The following RCL1 variants were observed in gnomAD, a reference collection of about 807,000 sequenced individuals.
RCL1 encodes the protein RNA 3'-terminal phosphate cyclase-like protein.
RCL1 carries 24 observed loss-of-function variants against 42.4 expected under a neutral mutation model. That is an observed-to-expected ratio of 0.57 (90% confidence interval 0.41 to 0.80). The LOEUF (loss-of-function observed/expected upper bound fraction) is 0.80, where lower values mean the gene tolerates loss of function less well. Ranked by LOEUF, RCL1 falls within the 30% of genes least tolerant of loss-of-function variation. The probability of loss-of-function intolerance (pLI) is 0.00; values close to 1 mark genes in which losing one functional copy is unlikely to be tolerated. For synonymous variants in RCL1, 228 were observed against 177.3 expected, an observed-to-expected ratio of 1.29 and a Z score of -2.27; for missense variants, 578 against 467.9, an observed-to-expected ratio of 1.24 and a Z score of -2.17.
chr9:4,839,787 C>T, intron 5 of RCL1: 2 of 967,440 alleles, frequency 2.1e-6, no homozygotes, highest in Non-Finnish European at 2.5e-6. Context: ...GAGGTAAAGC[C>T]CTTGCCCTTA....
intron 1 of RCL1, among the ~76,000 whole-genome samples, chr9:4,796,228 C>G (rs2130960003): frequency 6.6e-6 from 1 of 152,200 alleles, no homozygotes; most frequent in East Asian, 1.9e-4. Context: ...TTTTCAATCT[C>G]CCTCAATCTT....
chr9:4,812,061 T>C (rs564333042), intron 1 of RCL1, among the ~76,000 whole-genome samples: 1 of 152,356 alleles, frequency 6.6e-6, no homozygotes, highest in South Asian at 2.1e-4. Flanking sequence ...TTTTTGTGTG[T>C]GTACTGGTGA....
At chr9:4,817,309 C>G (rs775941207) in intron 1 of RCL1, among the ~76,000 whole-genome samples, 43 of 151,918 alleles carry the variant, frequency 2.8e-4, no homozygotes, top group Non-Finnish European at 5.4e-4. Flanking sequence ...ATATTGGTAA[C>G]TAATGGAGAA....
Position 4,813,726 on chromosome 9 carries a change from GAC to G in RCL1, c.137-9817_137-9816del, listed in dbSNP as rs1816263060. 3.3e-5 allele frequency among the ~76,000 whole-genome samples: 5 copies of G among 152,308 alleles called. No individual in the cohort carries two copies. The South Asian group carries it at 1.0e-3, about 32-fold the overall frequency. On this transcript the variant is annotated intron_variant, in intron 1 of 8. Coordinates refer to ENST00000381750, the MANE Select transcript of RCL1 (RefSeq NM_005772.5). ...GGATTATAAATCATGCTGCTACAAA[GAC>G]ACACGCACACGTATGTTTATTGCGG...
chr9:4,793,341 T>A, intron 1 of RCL1, 114 bp downstream of exon 1: 1 of 1,203,634 alleles, frequency 8.3e-7, no homozygotes, highest in Non-Finnish European at 1.1e-6. Flanking sequence ...GGCGAGCGCG[T>A]CGGGGAGGGC....
At chr9:4,804,482 C>G (rs1171482260) in intron 1 of RCL1, 4 of 152,390 alleles carry the variant, frequency 2.6e-5, no homozygotes, top group Admixed American at 2.6e-4. Context: ...AACTTGCCTG[C>G]CAGCCTGCCG....
intron 8 of RCL1, among the ~76,000 whole-genome samples, chr9:4,851,796 G>A (rs1817758959): frequency 6.6e-6 from 1 of 150,682 alleles, no homozygotes. Flanking sequence ...GTATAAAACA[G>A]CTTTTTAAAT....
chr9:4,839,380 C>A lies in RCL1; in HGVS notation c.585-1852C>A, dbSNP rs561856823. On this transcript the variant is annotated intron_variant, in intron 5 of 8. Coordinates refer to ENST00000381750, the MANE Select transcript of RCL1 (RefSeq NM_005772.5). ...GTTGTCTTTAATGTAAGTCCTAGAA[C>A]TCGGAGCCATGGCCCTCAACACAGG... 2.6e-5 allele frequency: 4 copies of A among 152,298 alleles called. No homozygotes were observed. In the East Asian group the frequency reaches 7.7e-4, roughly 29 times the overall value. The allele number at this position is 152,298 out of a possible 1,614,324, so 9.4% of individuals were successfully genotyped here.
rs1818159427 is a variant in RCL1 at position 4,861,028 on chromosome 9, A to G, written c.*753A>G. The G allele has an allele frequency of 6.6e-6, 1 of 152,256 alleles. No homozygotes were observed. The highest frequency in any genetic ancestry group is 6.5e-5 in the Admixed American group (1 of 15,286). 9.4% of individuals were successfully genotyped at this position (152,256 alleles called of 1,614,324 possible). ...ATAAAGGGTGTTTTGTTCCTTTGAA[A>G]TGTATAATGTAAAGACATTAAATCT... On this transcript the variant is annotated 3_prime_UTR_variant, in exon 9 of 9. Transcript: ENST00000381750.
chr9:4,849,606 C>G, intron 8 of RCL1, 56 bp downstream of exon 8: 2 of 1,286,560 alleles, frequency 1.6e-6, no homozygotes, highest in South Asian at 2.4e-5. Context: ...TCTCATTGCC[C>G]AAAATGACAA....
chr9:4,843,519 A>G (rs559665229), intron 6 of RCL1, among the ~76,000 whole-genome samples: 2 of 152,198 alleles, frequency 1.3e-5, no homozygotes, highest in East Asian at 1.9e-4. Context: ...CTGATAACAC[A>G]TATTTCCCAC....
chr9:4,826,504 T>C (rs1394107582), intron 2 of RCL1, among the ~76,000 whole-genome samples: 3 of 152,216 alleles, frequency 2.0e-5, no homozygotes, highest in African/African-American at 7.2e-5. Context: ...AAGCACATCA[T>C]TTGTAATTCC....
chr9:4,846,894 C>CTTTTTTCTTT (rs57427254), intron 7 of RCL1, among the ~76,000 whole-genome samples: 1 of 148,602 alleles, frequency 6.7e-6, no homozygotes, highest in African/African-American at 2.5e-5. Context: ...TAATATTTTT[C>CTTTTTTCTTT]TTTTTTTTTT....
intron 2 of RCL1, 34 bp downstream of exon 2, chr9:4,823,653 A>C: frequency 2.1e-6 from 3 of 1,440,026 alleles, no homozygotes; most frequent in Non-Finnish European, 2.9e-6. Flanking sequence ...AAGCACCTCC[A>C]TGCACTAAAG....
chr9:4,824,639 G>T (rs1015254232), intron 2 of RCL1, among the ~76,000 whole-genome samples: 1 of 151,984 alleles, frequency 6.6e-6, no homozygotes, highest in Non-Finnish European at 1.5e-5. Context: ...CTACCTTTCC[G>T]CACACATTCC....
chr9:4,800,854 G>A (rs1040313934), intron 1 of RCL1, among the ~76,000 whole-genome samples: 5 of 150,006 alleles, frequency 3.3e-5, no homozygotes, highest in African/African-American at 1.2e-4. Flanking sequence ...GGGTTTCACT[G>A]TGTTGGCCAG....
In RCL1 at chr9:4,860,146, G is replaced by A; in HGVS notation, c.993G>A (p.Leu331=). ...TTAGGATAGAATTTTTGCGGCATTT[G>A]AAGAGCTTTTTCCAGATTATGTTTA... ...SPYTIEFLRH[L]KSFFQIMFKI... Residue 331 remains leucine (L), a synonymous_variant, in exon 9 of 9, where the codon TTG becomes TTA. Transcript: ENST00000381750. 1 of 1,588,238 alleles carries A rather than the reference G, an allele frequency of 6.3e-7. No individual in the cohort carries two copies. The highest frequency in any genetic ancestry group is 1.2e-5 in the South Asian group (1 of 84,220).
Position 4,849,543 on chromosome 9 carries a change from C to A in RCL1, c.964C>A (p.Pro322Thr). ...CAAAGTCCTGCTAGGCCCTCTCTCT[C>A]CCTACACGTAAGTTATTCTTTTTCA... ...VSKVLLGPLS[P>T]YTIEFLRHLK... The change falls in exon 8 of 9, where the codon CCC becomes ACC. Residue 322 changes from proline to threonine, a missense_variant. Pro to Thr is a conservative substitution (Grantham distance 38, BLOSUM62 -1). Transcript: ENST00000381750. The A allele has an allele frequency of 1.2e-6, 2 of 1,609,308 alleles. No homozygotes were observed. Among genetic ancestry groups the A allele is most frequent in the Non-Finnish European group, 1.7e-6 (2 of 1,175,606 alleles).
chr9:4,793,258 G>C (rs1048927211), intron 1 of RCL1, 31 bp downstream of exon 1: 1 of 1,561,022 alleles, frequency 6.4e-7, no homozygotes, highest in South Asian at 1.2e-5. Flanking sequence ...CGCGGCGTGG[G>C]CGCGGGGGCT....
Sources: allele counts gnomAD v4.1 joint callset (sites outside exome capture counted in the v4.1 genomes callset), GRCh38; gene constraint gnomAD v4.1.1; transcripts MANE v1.5; gene names NCBI Gene and HGNC (gene_info 2026-07-23, HGNC 2026-07-21).